The following URI1 variants were observed in gnomAD, a reference collection of about 807,000 sequenced individuals.
URI1 encodes the protein URI1 prefoldin like chaperone.
Under a neutral mutation model 60.2 loss-of-function variants are expected in URI1, and 39 were observed. That is an observed-to-expected ratio of 0.65 (90% CI 0.50 to 0.85). The LOEUF (loss-of-function observed/expected upper bound fraction) is 0.85. Ranked by LOEUF, URI1 falls within the 40% of genes least tolerant of loss-of-function variation. The pLI is 0.00. For synonymous variants in URI1, 251 were observed against 236.8 expected (o/e 1.06, Z -0.55); for missense variants, 691 against 665.9 (o/e 1.04, Z -0.42).
In URI1 at chr19:30,012,427, A is replaced by T. The variant is rs1388134826; in HGVS notation, c.1321A>T (p.Ile441Phe). 6.2e-7 allele frequency: 1 copy of T among 1,614,076 alleles called. No homozygotes were observed. The highest frequency in any genetic ancestry group is 8.5e-7 in the Non-Finnish European group (1 of 1,180,024). ...TGATAGGCGGGGAGTTTTGAGGAGT[A>T]TCAGCTGCGAAGAAGCCACTTGCAG... ...FDDRRGVLRS[I>F]SCEEATCSDT... The change falls in exon 10 of 11, where the codon ATC becomes TTC. Residue 441 changes from isoleucine (I) to phenylalanine (F), a missense_variant. Transcript: ENST00000392271.
At chr19:30,002,604 T>G (rs1167441841) in intron 4 of URI1, among the ~76,000 whole-genome samples, 1 of 151,966 alleles carries the variant, frequency 6.6e-6, no homozygotes, top group Non-Finnish European at 1.5e-5. Context: ...TAACTTCTGA[T>G]TTTTAGTTAA....
intron 6 of URI1, among the ~76,000 whole-genome samples, chr19:30,005,950 A>G (rs960999833): frequency 7.9e-5 from 12 of 152,078 alleles, no homozygotes; most frequent in African/African-American, 2.7e-4. Flanking sequence ...TTTTTCTCCC[A>G]AAGTTCTCCA....
intron 4 of URI1, among the ~76,000 whole-genome samples, chr19:29,988,329 A>G (rs1599705631): frequency 2.0e-5 from 3 of 152,198 alleles, no homozygotes; most frequent in South Asian, 2.1e-4. Flanking sequence ...ACACATAGTC[A>G]TCTATGTCAT....
At chr19:29,949,127 G>T (rs973620024) in intron 1 of URI1, among the ~76,000 whole-genome samples, 4 of 151,820 alleles carry the variant, frequency 2.6e-5, no homozygotes, top group African/African-American at 9.6e-5. Context: ...CAGCTGCCGG[G>T]CGGAGGGGCT....
chr19:29,932,089 C>T (rs558720759), intron 1 of URI1, among the ~76,000 whole-genome samples: 4 of 152,114 alleles, frequency 2.6e-5, no homozygotes, highest in Non-Finnish European at 5.9e-5. Context: ...CTTAGTACTA[C>T]GCTAAATAGT....
At chr19:29,970,912 A>G (rs1258120747) in intron 1 of URI1, among the ~76,000 whole-genome samples, 1 of 152,074 alleles carries the variant, frequency 6.6e-6, no homozygotes, top group Non-Finnish European at 1.5e-5. Context: ...TAGTTATCTT[A>G]TATCATATGT....
chr19:30,010,421 GA>G (rs1285358934), intron 8 of URI1, among the ~76,000 whole-genome samples: 1 of 152,018 alleles, frequency 6.6e-6, no homozygotes, highest in Non-Finnish European at 1.5e-5. Context: ...TGATTAGCCA[GA>G]AAAAAAGGTC....
chr19:30,008,231 CGA>C (rs1220035388), intron 7 of URI1, among the ~76,000 whole-genome samples: 1 of 152,008 alleles, frequency 6.6e-6, no homozygotes, highest in African/African-American at 2.4e-5. Context: ...ATCTGCTACT[CGA>C]GAAGTTCTAT....
At chr19:29,965,575 G>A (rs926781405) in intron 1 of URI1, among the ~76,000 whole-genome samples, 1 of 152,194 alleles carries the variant, frequency 6.6e-6, no homozygotes, top group African/African-American at 2.4e-5. Flanking sequence ...CATTGCAAAT[G>A]TTATGTTTAC....
chr19:30,012,354 G>T lies in URI1; in HGVS notation c.1248G>T (p.Glu416Asp). Residue 416 changes from glutamate to aspartate, a missense_variant, in exon 10 of 11, where the codon GAG (glutamate) becomes GAT (aspartate). Transcript: ENST00000392271. ...RKSILKSRSRENSVCSDTSES... is the reference protein window; with the variant it reads ...RKSILKSRSRDNSVCSDTSES... The stretch of plus-strand genomic sequence containing the variant: ...CCATCCTGAAGTCTCGAAGTAGAGA[G>T]AATAGTGTGTGTAGCGACACTAGTG... 6.2e-7 allele frequency: 1 copy of T among 1,614,226 alleles called. No homozygotes were observed. Among genetic ancestry groups the T allele is most frequent in the Non-Finnish European group, 8.5e-7 (1 of 1,180,024 alleles).
chr19:30,006,592 C>T (rs2055945589), intron 6 of URI1, among the ~76,000 whole-genome samples: 2 of 151,958 alleles, frequency 1.3e-5, no homozygotes, highest in African/African-American at 2.4e-5. Context: ...ACTGTCTTAT[C>T]AATAATAGTT....
chr19:29,991,170 G>A (rs1035453276), intron 4 of URI1, among the ~76,000 whole-genome samples: 11 of 152,094 alleles, frequency 7.2e-5, no homozygotes, highest in African/African-American at 2.7e-4. Context: ...GATTGGAATC[G>A]CACTAAATCA....
At chr19:29,987,593 A>T (rs1191385969) in intron 4 of URI1, among the ~76,000 whole-genome samples, 3 of 152,192 alleles carry the variant, frequency 2.0e-5, no homozygotes, top group Admixed American at 2.0e-4. Flanking sequence ...CTCTTTATAT[A>T]CTGAAGTAGC....
chr19:29,977,394 T>A (rs536332060), intron 2 of URI1, among the ~76,000 whole-genome samples: 1 of 152,000 alleles, frequency 6.6e-6, no homozygotes, highest in East Asian at 1.9e-4. Flanking sequence ...GAAATATTGA[T>A]CTGCATACCT....
intron 6 of URI1, among the ~76,000 whole-genome samples, chr19:30,006,984 C>A (rs2055951581): frequency 6.6e-6 from 1 of 152,054 alleles, no homozygotes; most frequent in African/African-American, 2.4e-5. Flanking sequence ...CATTCCTTGG[C>A]AGTGCCCTGG....
chr19:29,948,774 A>G (rs1279678694), intron 1 of URI1, among the ~76,000 whole-genome samples: 1 of 152,162 alleles, frequency 6.6e-6, no homozygotes, highest in African/African-American at 2.4e-5. Context: ...CGATTCCTTT[A>G]TCTTTTCCCC....
At chr19:29,954,194 C>T (rs2055214289) in intron 1 of URI1, among the ~76,000 whole-genome samples, 1 of 152,194 alleles carries the variant, frequency 6.6e-6, no homozygotes, top group Non-Finnish European at 1.5e-5. Flanking sequence ...ATACCACTGC[C>T]AATGGCAAAC....
intron 1 of URI1, among the ~76,000 whole-genome samples, chr19:29,950,434 C>G (rs1466351922): frequency 6.6e-6 from 1 of 152,160 alleles, no homozygotes; most frequent in Non-Finnish European, 1.5e-5. Flanking sequence ...AATTTTCCCC[C>G]CTTAAACTAC....
intron 1 of URI1, among the ~76,000 whole-genome samples, chr19:29,961,313 T>C (rs1599676947): frequency 1.3e-5 from 2 of 151,434 alleles, no homozygotes; most frequent in African/African-American, 4.9e-5. Context: ...TAACTCTCTA[T>C]TCTTCCCCTT....
Sources: gnomAD v4.1 joint callset for allele counts (sites outside exome capture counted in the v4.1 genomes callset) on GRCh38, gnomAD v4.1.1 for gene constraint, MANE v1.5 for transcripts, NCBI Gene and HGNC (gene_info 2026-07-23, HGNC 2026-07-21) for gene names.